MAP2K6: variants seen among roughly 807,000 people sequenced by gnomAD.
MAP2K6 encodes dual specificity mitogen-activated protein kinase kinase 6.
A neutral mutation model predicts 53.7 loss-of-function variants in MAP2K6; 16 were observed. That is an observed-to-expected ratio of 0.30 (90% CI 0.20 to 0.45). The LOEUF is 0.45. Ranked by LOEUF, MAP2K6 falls within the 20% of genes least tolerant of loss-of-function variation. The pLI, the probability that MAP2K6 is intolerant of heterozygous loss-of-function variation, is 1.00. For missense variants in MAP2K6, 204 were observed against 411.9 expected (o/e 0.50, Z 4.37); for synonymous variants, 132 against 143.1 (o/e 0.92, Z 0.55).
chr17:69,480,482 T>C (rs922977443), intron 1 of MAP2K6, among the ~76,000 whole-genome samples: 3 of 152,164 alleles, frequency 2.0e-5, no homozygotes, highest in Admixed American at 6.5e-5. Flanking sequence ...GGAGAAGTAG[T>C]AATATGTTCA....
At chr17:69,530,075 G>A (rs11869376) in intron 10 of MAP2K6, among the ~76,000 whole-genome samples, 21,616 of 152,024 alleles carry the variant, frequency 0.14, 1,861 homozygotes, top group Middle Eastern at 0.25. Context: ...CTGTTTGCTC[G>A]GTGTCATGTC....
chr17:69,472,485 G>A (rs72856069), intron 1 of MAP2K6, among the ~76,000 whole-genome samples: 14,039 of 152,030 alleles, frequency 0.092, 997 homozygotes, highest in East Asian at 0.35. Flanking sequence ...TAACCTCTGG[G>A]CACTCAAATT....
rs926133205 is a variant in MAP2K6 at position 69,542,289 on chromosome 17, A to G, written c.*536A>G. 11 of 152,600 alleles carry G rather than the reference A, an allele frequency of 7.2e-5. No individual in the cohort carries two copies. The highest frequency in any genetic ancestry group is 2.4e-4 in the African/African-American group (10 of 41,438). 9.5% of individuals were successfully genotyped at this position (152,600 alleles called of 1,614,324 possible). ...GTCTGTGGTCCAGAAGAAATTATTTAATATGCATCTTTGAGAATATTATAA... is the reference window on the plus strand; with the variant it reads ...GTCTGTGGTCCAGAAGAAATTATTTGATATGCATCTTTGAGAATATTATAA... On this transcript the variant is annotated 3_prime_UTR_variant, in exon 12 of 12. Transcript: ENST00000590474.
chr17:69,433,011 A>G (rs1365343421), intron 1 of MAP2K6: 1 of 152,224 alleles, frequency 6.6e-6, no homozygotes, highest in Non-Finnish European at 1.5e-5. Context: ...CTCTTGAACC[A>G]AGAGAACCAG....
chr17:69,440,820 A>G (rs1034986521), intron 1 of MAP2K6, among the ~76,000 whole-genome samples: 21 of 151,250 alleles, frequency 1.4e-4, no homozygotes, highest in African/African-American at 4.6e-4. Flanking sequence ...TTGTTACTCA[A>G]CTTATTTTCT....
At chr17:69,486,487 G>A (rs1243389229) in intron 1 of MAP2K6, among the ~76,000 whole-genome samples, 1 of 152,214 alleles carries the variant, frequency 6.6e-6, no homozygotes, top group African/African-American at 2.4e-5. Flanking sequence ...AGTCTAGTCT[G>A]AGACTGATGA....
Position 69,414,842 on chromosome 17 carries a change from C to T in MAP2K6, c.-143C>T, listed in dbSNP as rs916011837. 2.9e-6 allele frequency: 2 copies of T among 693,744 alleles called. No individual in the cohort carries two copies. The highest frequency in any genetic ancestry group is 5.1e-6 in the Non-Finnish European group (2 of 393,708). 43.0% of individuals were successfully genotyped at this position (693,744 alleles called of 1,614,324 possible). ...TTTCCATCTTGATTCCCTGAAAGTC[C>T]ATCTGCTGCATCGGTCAAGAGAAAC... On this transcript the variant is annotated 5_prime_UTR_variant, in exon 1 of 12. Coordinates refer to ENST00000590474, the MANE Select transcript of MAP2K6 (RefSeq NM_002758.4).
intron 1 of MAP2K6, among the ~76,000 whole-genome samples, chr17:69,457,615 G>A (rs1001209979): frequency 3.3e-5 from 5 of 152,100 alleles, no homozygotes; most frequent in Non-Finnish European, 7.4e-5. Context: ...CGAGGCAGGA[G>A]GATCACTTGA....
intron 1 of MAP2K6, among the ~76,000 whole-genome samples, chr17:69,484,541 G>C (rs1370518352): frequency 6.6e-6 from 1 of 152,048 alleles, no homozygotes; most frequent in Non-Finnish European, 1.5e-5. Context: ...GTTAAATATA[G>C]AGTTACTGTT....
intron 7 of MAP2K6, chr17:69,521,967 C>A (rs1328115488): frequency 2.6e-5 from 4 of 152,104 alleles, no homozygotes; most frequent in Admixed American, 6.6e-5. Context: ...ATGGTGAAAC[C>A]CCGTGTCTAC....
chr17:69,511,246 G>A (rs1050648563), intron 2 of MAP2K6, among the ~76,000 whole-genome samples: 1 of 152,090 alleles, frequency 6.6e-6, no homozygotes, highest in African/African-American at 2.4e-5. Flanking sequence ...CATTATTGTA[G>A]AGTATACCGC....
At chr17:69,513,088 C>T (rs1344243599) in intron 2 of MAP2K6, among the ~76,000 whole-genome samples, 2 of 152,162 alleles carry the variant, frequency 1.3e-5, no homozygotes, top group African/African-American at 4.8e-5. Flanking sequence ...AAACTTCCTG[C>T]AGAATCGCAA....
At chr17:69,517,900 T>A (rs1345959753) in intron 4 of MAP2K6, among the ~76,000 whole-genome samples, 1 of 152,170 alleles carries the variant, frequency 6.6e-6, no homozygotes, top group Non-Finnish European at 1.5e-5. Flanking sequence ...CACTTAAAAA[T>A]AATTAATGGC....
intron 10 of MAP2K6, among the ~76,000 whole-genome samples, chr17:69,533,886 C>A (rs890301656): frequency 6.6e-6 from 1 of 151,930 alleles, no homozygotes; most frequent in Non-Finnish European, 1.5e-5. Flanking sequence ...AGGAGACGGT[C>A]GTGGTGAGAA....
chr17:69,521,918 A>G (rs982432292), intron 7 of MAP2K6: 1 of 151,406 alleles, frequency 6.6e-6, no homozygotes, highest in East Asian at 1.9e-4. Context: ...AGGAGGGCGG[A>G]TCACCTAAGG....
intron 10 of MAP2K6, among the ~76,000 whole-genome samples, chr17:69,534,960 TTTTC>T (rs1243884727): frequency 1.3e-5 from 2 of 152,062 alleles, no homozygotes; most frequent in Non-Finnish European, 2.9e-5. Context: ...GTTTCTTTTC[TTTTC>T]TTTCTTTCTT....
At chr17:69,436,768 C>G (rs1282042734) in intron 1 of MAP2K6, among the ~76,000 whole-genome samples, 1 of 152,036 alleles carries the variant, frequency 6.6e-6, no homozygotes, top group African/African-American at 2.4e-5. Flanking sequence ...GCAGCTGAAA[C>G]TTTGCATATA....
At chr17:69,439,091 C>T (rs1324865778) in intron 1 of MAP2K6, among the ~76,000 whole-genome samples, 1 of 152,124 alleles carries the variant, frequency 6.6e-6, no homozygotes, top group African/African-American at 2.4e-5. Flanking sequence ...TACTATCTGG[C>T]CCTTTAAAGA....
At chr17:69,449,529 T>TTGTC (rs1555602219) in intron 1 of MAP2K6, among the ~76,000 whole-genome samples, 1 of 101,320 alleles carries the variant, frequency 9.9e-6, no homozygotes, top group Non-Finnish European at 2.1e-5. Flanking sequence ...CTTTCTTTCT[T>TTGTC]TGTCTTTCTT....
Sources: allele counts gnomAD v4.1 joint callset (sites outside exome capture counted in the v4.1 genomes callset), GRCh38; gene constraint gnomAD v4.1.1; transcripts MANE v1.5; gene names NCBI Gene and HGNC (gene_info 2026-07-23, HGNC 2026-07-21).